Variants in MLLT3 observed in about 807,000 individuals in gnomAD.
MLLT3 encodes the protein protein AF-9.
In MLLT3, 4 loss-of-function variants were observed where a neutral mutation model predicts 53.2. The ratio of observed to expected loss-of-function variants is 0.08; its 90% CI spans 0.04 to 0.17. The LOEUF (loss-of-function observed/expected upper bound fraction) is 0.17. Among genes scored for constraint, MLLT3 ranks in the 10% least tolerant of loss-of-function variants. The pLI is 1.00. For missense variants in MLLT3, 569 were observed against 684.0 expected (o/e 0.83, Z 1.87); for synonymous variants, 283 against 230.6 (o/e 1.23, Z -2.06).
intron 8 of MLLT3, among the ~76,000 whole-genome samples, chr9:20,356,428 T>C (rs1350226101): frequency 6.6e-6 from 1 of 152,112 alleles, no homozygotes; most frequent in East Asian, 1.9e-4. Context: ...TCCTCCATTG[T>C]TGTTGAAAGT....
chr9:20,434,397 A>AT (rs1424679079), intron 4 of MLLT3, among the ~76,000 whole-genome samples: 2 of 152,020 alleles, frequency 1.3e-5, no homozygotes, highest in Non-Finnish European at 2.9e-5. Context: ...ATTATTTCCA[A>AT]TTTTTTTTAA....
chr9:20,341,920 A>C lies in MLLT3; in HGVS notation c.*4523T>G, dbSNP rs774589829. The C allele has an allele frequency of 5.0e-6, 1 of 202,020 alleles. No individual in the cohort carries two copies. The highest frequency in any genetic ancestry group is 1.0e-5 in the Non-Finnish European group (1 of 98,218). The allele number at this position is 202,020 out of a possible 1,614,324, so 12.5% of individuals were successfully genotyped here. A position where few individuals can be genotyped will look rare whatever the true frequency, so the allele number is the denominator to read the frequency against. On this transcript the variant is annotated 3_prime_UTR_variant, in exon 11 of 11. Coordinates refer to ENST00000380338, the MANE Select transcript of MLLT3 (RefSeq NM_004529.4). Reference sequence around the variant, plus strand: ...CACCACTTCTTGTTCCAATCTTTGCAGAGTTTTAAAAATATTATATATATA... The same window carrying C: ...CACCACTTCTTGTTCCAATCTTTGCCGAGTTTTAAAAATATTATATATATA...
intron 2 of MLLT3, among the ~76,000 whole-genome samples, chr9:20,489,599 T>C (rs1376086091): frequency 6.6e-6 from 1 of 152,184 alleles, no homozygotes; most frequent in Non-Finnish European, 1.5e-5. Flanking sequence ...GCTAACTTTA[T>C]ACTCAGCCAT....
At chr9:20,458,366 G>T (rs943094434) in intron 2 of MLLT3, among the ~76,000 whole-genome samples, 6 of 152,128 alleles carry the variant, frequency 3.9e-5, no homozygotes, top group African/African-American at 1.4e-4. Flanking sequence ...GAATACTTGG[G>T]TACCAATCCA....
At chr9:20,515,334 G>T (rs531389819) in intron 2 of MLLT3, among the ~76,000 whole-genome samples, 2 of 152,296 alleles carry the variant, frequency 1.3e-5, no homozygotes, top group Non-Finnish European at 2.9e-5. Flanking sequence ...CAGTGCTGAG[G>T]GGCCTGCCTG....
At chr9:20,522,374 A>G (rs59868928) in intron 2 of MLLT3, among the ~76,000 whole-genome samples, 9,526 of 152,198 alleles carry the variant, frequency 0.063, 795 homozygotes, top group African/African-American at 0.18. Context: ...ACATTATTTG[A>G]AAGAAAGCAA....
intron 5 of MLLT3, among the ~76,000 whole-genome samples, chr9:20,407,207 G>A (rs934319817): frequency 2.6e-5 from 4 of 152,200 alleles, no homozygotes; most frequent in Non-Finnish European, 5.9e-5. Context: ...TTGTTATTTG[G>A]TGGCATCTTC....
chr9:20,343,524 C>A lies in MLLT3; in HGVS notation c.*2919G>T, dbSNP rs1487302164. On this transcript the variant is annotated 3_prime_UTR_variant, in exon 11 of 11. Transcript: ENST00000380338. ...CTGTTACATCCGAAGACAGAAGGAA[C>A]CCCAAACCCACCAACACACATCCTG... is the stretch of plus-strand genomic sequence containing the variant. The A allele has an allele frequency of 8.7e-6, 2 of 228,848 alleles. No homozygotes were observed. Among genetic ancestry groups the A allele is most frequent in the Non-Finnish European group, 1.7e-5 (2 of 115,498 alleles). 14.2% of individuals were successfully genotyped at this position (228,848 alleles called of 1,614,324 possible).
chr9:20,580,379 C>T (rs1306318661), intron 2 of MLLT3, among the ~76,000 whole-genome samples: 1 of 151,222 alleles, frequency 6.6e-6, no homozygotes, highest in Admixed American at 6.6e-5. Context: ...TTTTTAAGCT[C>T]GATTTCTTAG....
intron 2 of MLLT3, among the ~76,000 whole-genome samples, chr9:20,618,368 G>T (rs1173330909): frequency 6.6e-6 from 1 of 152,106 alleles, no homozygotes; most frequent in African/African-American, 2.4e-5. Flanking sequence ...AGGATTAAGT[G>T]GCATGTTTGG....
At chr9:20,429,496 T>C (rs1302445134) in intron 4 of MLLT3, among the ~76,000 whole-genome samples, 1 of 151,836 alleles carries the variant, frequency 6.6e-6, no homozygotes, top group Non-Finnish European at 1.5e-5. Flanking sequence ...CTCAAGAATA[T>C]AAATGCAAAA....
At chr9:20,504,053 T>G (rs1345694108) in intron 2 of MLLT3, among the ~76,000 whole-genome samples, 1 of 152,106 alleles carries the variant, frequency 6.6e-6, no homozygotes. Context: ...TGAAGATAGA[T>G]TTTTGCAAGG....
At chr9:20,405,447 G>A (rs1003385289) in intron 5 of MLLT3, among the ~76,000 whole-genome samples, 4 of 152,100 alleles carry the variant, frequency 2.6e-5, no homozygotes, top group African/African-American at 9.7e-5. Flanking sequence ...GTTTTAATTC[G>A]ACATGACTTC....
intron 4 of MLLT3, among the ~76,000 whole-genome samples, chr9:20,436,176 T>C (rs1054137894): frequency 4.6e-5 from 7 of 152,176 alleles, no homozygotes; most frequent in East Asian, 1.9e-4. Context: ...CTGATTAATG[T>C]TGCATTAACC....
At chr9:20,433,845 T>C (rs965574512) in intron 4 of MLLT3, among the ~76,000 whole-genome samples, 1 of 151,998 alleles carries the variant, frequency 6.6e-6, no homozygotes, top group African/African-American at 2.4e-5. Context: ...CCAGGCATGG[T>C]GGCTCACACC....
At chr9:20,380,092 T>C (rs549540630) in intron 5 of MLLT3, 8 of 152,174 alleles carry the variant, frequency 5.3e-5, no homozygotes, top group African/African-American at 1.9e-4. Flanking sequence ...TTACAGGCTG[T>C]TATCCCAAAG....
chr9:20,384,778 C>G (rs1008511285), intron 5 of MLLT3, among the ~76,000 whole-genome samples: 6 of 152,102 alleles, frequency 3.9e-5, no homozygotes, highest in African/African-American at 1.4e-4. Context: ...AATCTACAGT[C>G]TGTTTTCTTT....
chr9:20,553,770 T>C (rs1289244754), intron 2 of MLLT3, among the ~76,000 whole-genome samples: 1 of 152,070 alleles, frequency 6.6e-6, no homozygotes, highest in Non-Finnish European at 1.5e-5. Flanking sequence ...AATATGTAAC[T>C]AAGTTTTTAT....
chr9:20,560,993 T>C (rs956149721), intron 2 of MLLT3, among the ~76,000 whole-genome samples: 9 of 152,158 alleles, frequency 5.9e-5, no homozygotes, highest in Admixed American at 5.2e-4. Flanking sequence ...TATCTATAAA[T>C]TGAGACAGTT....
Sources: allele counts gnomAD v4.1 joint callset (sites outside exome capture counted in the v4.1 genomes callset), GRCh38; gene constraint gnomAD v4.1.1; transcripts MANE v1.5; gene names NCBI Gene and HGNC (gene_info 2026-07-23, HGNC 2026-07-21).